The following ERCC3 variants were observed in gnomAD, a reference collection of about 807,000 sequenced individuals.
ERCC3 encodes the protein general transcription and DNA repair factor IIH helicase/translocase subunit XPB.
In ERCC3, 66 loss-of-function variants were observed where a neutral mutation model predicts 94.2. The ratio of observed to expected loss-of-function variants is 0.70; its 90% CI spans 0.57 to 0.86. The LOEUF is 0.86. Among genes scored for constraint, ERCC3 ranks in the 40% least tolerant of loss-of-function variants. The pLI is 0.00. For missense variants in ERCC3, 829 were observed against 987.1 expected (o/e 0.84, Z 2.15); for synonymous variants, 349 against 369.1 (o/e 0.95, Z 0.63).
At chr2:127,281,102 C>A in intron 8 of ERCC3, 1 of 407,874 alleles carries the variant, frequency 2.5e-6, no homozygotes, top group Non-Finnish European at 4.3e-6. Flanking sequence ...TGAAATACAA[C>A]CTGCAATACT....
At chr2:127,281,812 G>T (rs1195385041) in intron 8 of ERCC3, among the ~76,000 whole-genome samples, 1 of 151,894 alleles carries the variant, frequency 6.6e-6, no homozygotes, top group African/African-American at 2.4e-5. Flanking sequence ...ATCAGCTCAG[G>T]GTTATGTCTA....
rs1274265405 is a variant in ERCC3 at position 127,290,226 on chromosome 2, G to A, written c.519C>T (p.Asn173=). 1.9e-6 allele frequency: 3 copies of A among 1,613,336 alleles called. No homozygotes were observed. The highest frequency in any genetic ancestry group is 1.7e-6 in the Non-Finnish European group (2 of 1,179,392). ...YGKVKLVLKH[N]RYFVESCHPD... is the part of the protein sequence containing the mutation. ...AGGCCTGTCATGGAATCTCTTACCTGTTGTGCTTCAAGACCAGCTTGACTT... is the reference window on the plus strand; with the variant it reads ...AGGCCTGTCATGGAATCTCTTACCTATTGTGCTTCAAGACCAGCTTGACTT... Residue 173 remains asparagine, a splice_region_variant and synonymous_variant, in exon 4 of 15, where the codon AAC becomes AAT. Transcript: ENST00000285398.
At chr2:127,292,084 A>G (rs930881961) in intron 3 of ERCC3, 6 of 221,610 alleles carry the variant, frequency 2.7e-5, no homozygotes, top group African/African-American at 1.1e-4. Context: ...GTGTACTCAC[A>G]TGACAAGAAG....
Position 127,292,398 on chromosome 2 carries a change from C to A in ERCC3, c.471+212G>T, listed in dbSNP as rs188864058. ...CCTCACCCAGAACACAATGCTGGAT[C>A]CAGAGTGTAGCGGCTCATGAGAAGC... is the stretch of plus-strand genomic sequence containing the variant. On this transcript the variant is annotated intron_variant, in intron 3 of 14. Coordinates refer to ENST00000285398, the MANE Select transcript of ERCC3 (RefSeq NM_000122.2). 37 of 630,140 alleles carry A rather than the reference C, an allele frequency of 5.9e-5. No homozygotes were observed. The East Asian group carries it at 9.3e-4, about 16-fold the overall frequency. 39.0% of individuals were successfully genotyped at this position (630,140 alleles called of 1,614,324 possible).
In ERCC3 at chr2:127,280,710, A is replaced by G; in HGVS notation, c.1343-79T>C. The G allele has an allele frequency of 7.7e-7, 1 of 1,304,638 alleles. No homozygotes were observed. The highest frequency in any genetic ancestry group is 1.5e-5 in the African/African-American group (1 of 67,736). 80.8% of individuals were successfully genotyped at this position (1,304,638 alleles called of 1,614,324 possible). ...TTATTTATTTTAAAATATTTTTTGT[A>G]GAGATGGGGTCTCATTATATTGCCC... is the stretch of plus-strand genomic sequence containing the variant. On this transcript the variant is annotated intron_variant, in intron 8 of 14. Transcript: ENST00000285398. This position sits in a 1 kb window ranked among gnomAD's most constrained non-coding sequence, Gnocchi z 6.3.
At chr2:127,267,980 T>C (rs1488107617) in intron 12 of ERCC3, among the ~76,000 whole-genome samples, 4 of 151,924 alleles carry the variant, frequency 2.6e-5, no homozygotes, top group African/African-American at 9.7e-5. Flanking sequence ...TGAGACAGAG[T>C]CTTGCTGTTG....
chr2:127,292,351 G>T, intron 3 of ERCC3: 1 of 560,238 alleles, frequency 1.8e-6, no homozygotes, highest in Non-Finnish European at 3.3e-6. Flanking sequence ...CCACAGCTGG[G>T]AGCGGCTCAT....
rs181561416 is a variant in ERCC3 at position 127,258,130 on chromosome 2, G to A, written c.2218-403C>T. On this transcript the variant is annotated intron_variant, in intron 14 of 14. Coordinates refer to ENST00000285398, the MANE Select transcript of ERCC3 (RefSeq NM_000122.2). The surrounding 1 kb of genome is among the most constrained non-coding windows in gnomAD (Gnocchi z 4.1). The stretch of plus-strand genomic sequence containing the variant: ...TTTTTTAAGAGAGAAACAGGGTCTC[G>A]ATATGTTGACCATGCTGGTCTCAAA... Among the ~76,000 whole-genome samples, 14 of 151,956 alleles carry A rather than the reference G, an allele frequency of 9.2e-5. No homozygotes were observed. The highest frequency in any genetic ancestry group is 1.8e-4 in the Non-Finnish European group (12 of 68,010).
intron 12 of ERCC3, among the ~76,000 whole-genome samples, chr2:127,266,559 G>A (rs188389904): frequency 1.3e-5 from 2 of 151,222 alleles, no homozygotes; most frequent in Non-Finnish European, 2.9e-5. Context: ...GGATGGTCTC[G>A]ATCTCCTGAC....
At chr2:127,290,726 C>T in intron 3 of ERCC3, 1 of 261,592 alleles carries the variant, frequency 3.8e-6, no homozygotes. Context: ...AGCTTAAATC[C>T]TCCCAGGTTC....
intron 7 of ERCC3, among the ~76,000 whole-genome samples, 177 bp from the exon 8 acceptor site, chr2:127,287,194 T>C (rs952030965): frequency 1.3e-5 from 2 of 152,234 alleles, no homozygotes; most frequent in Admixed American, 1.3e-4. Context: ...TGAGGAGACA[T>C]GCCCACTTCA....
intron 5 of ERCC3, 56 bp downstream of exon 5, chr2:127,289,633 G>T (rs1023646408): frequency 6.2e-7 from 1 of 1,611,382 alleles, no homozygotes. Context: ...ACACCTGAGA[G>T]AACTGAAATC....
intron 12 of ERCC3, among the ~76,000 whole-genome samples, chr2:127,267,289 G>A (rs1313609275): frequency 5.9e-5 from 9 of 152,234 alleles, no homozygotes; most frequent in Middle Eastern, 6.8e-3. Flanking sequence ...AATGTTGGGC[G>A]CATATATATT....
intron 2 of ERCC3, 126 bp downstream of exon 2, chr2:127,293,387 G>T: frequency 1.1e-6 from 1 of 912,654 alleles, no homozygotes; most frequent in Non-Finnish European, 1.7e-6. Context: ...GTGTGTGGAT[G>T]AAAATTCTCT....
chr2:127,290,523 T>C (rs759630900), intron 3 of ERCC3: 16 of 557,936 alleles, frequency 2.9e-5, no homozygotes, highest in Non-Finnish European at 4.2e-5. Context: ...AAAACGCTGC[T>C]TAAAATCTTG....
rs1684664446 is a variant in ERCC3 at position 127,274,318 on chromosome 2, A to C, written c.1731-1357T>G. Among the ~76,000 whole-genome samples, 1 of 135,274 alleles carries C rather than the reference A, an allele frequency of 7.4e-6. No homozygotes were observed. Among genetic ancestry groups the C allele is most frequent in the South Asian group, 2.2e-4 (1 of 4,628 alleles). The allele number at this position is 135,274 out of a possible 152,430, so 88.7% of individuals were successfully genotyped here. On this transcript the variant is annotated intron_variant, in intron 10 of 14. Coordinates refer to ENST00000285398, the MANE Select transcript of ERCC3 (RefSeq NM_000122.2). This position sits in a 1 kb window ranked among gnomAD's most constrained non-coding sequence, Gnocchi z 4.0. ...CAACAGAGTGAGACTCCGTCTCAGAAAAAAAAAAAAAAGAAAAAGAAAAGA... is the reference window on the plus strand; with the variant it reads ...CAACAGAGTGAGACTCCGTCTCAGACAAAAAAAAAAAAGAAAAAGAAAAGA...
Position 127,292,635 on chromosome 2 carries a change from G to A in ERCC3, c.446C>T (p.Pro149Leu). Reference protein sequence around the residue: ...YLRKLSKTGVPDGIMQFIKLC... With the variant: ...YLRKLSKTGVLDGIMQFIKLC... ...CTTAATAAACTGCATAATTCCATCA[G>A]GGACTCCAGTCTTGCTGAGCTTCCT... The change falls in exon 3 of 15, where the codon CCT becomes CTT. Residue 149 changes from proline (P) to leucine (L), a missense_variant. Physicochemically the swap from Pro to Leu is moderately conservative, Grantham distance 98 (BLOSUM62 -3). Coordinates refer to ENST00000285398, the MANE Select transcript of ERCC3 (RefSeq NM_000122.2). The A allele has an allele frequency of 6.2e-7, 1 of 1,613,326 alleles. No individual in the cohort carries two copies. The highest frequency in any genetic ancestry group is 1.7e-4 in the Middle Eastern group (1 of 6,024).
Position 127,271,039 on chromosome 2 carries a change from C to T in ERCC3, c.1945+297G>A, listed in dbSNP as rs928706378. Among the ~76,000 whole-genome samples the T allele has an allele frequency of 6.6e-6, 1 of 152,218 alleles. No individual in the cohort carries two copies. Among genetic ancestry groups the T allele is most frequent in the African/African-American group, 2.4e-5 (1 of 41,450 alleles). ...CTGTTTTCTCCCTTCCATGTCTACC[C>T]CATAAGCACTGCCTTGCCCTGGCTC... On this transcript the variant is annotated intron_variant, in intron 12 of 14. Transcript: ENST00000285398. The surrounding 1 kb of genome is among the most constrained non-coding windows in gnomAD (Gnocchi z 5.0).
chr2:127,288,471 C>A (rs1033921883), intron 7 of ERCC3, among the ~76,000 whole-genome samples, 189 bp downstream of exon 7: 4 of 152,330 alleles, frequency 2.6e-5, no homozygotes, highest in Non-Finnish European at 2.9e-5. Context: ...CATAATACCC[C>A]CAGTGTCCAG....
Sources: allele counts gnomAD v4.1 joint callset (sites outside exome capture counted in the v4.1 genomes callset), GRCh38; gene constraint gnomAD v4.1.1; non-coding constraint Gnocchi (gnomAD v3.1); transcripts MANE v1.5; gene names NCBI Gene and HGNC (gene_info 2026-07-23, HGNC 2026-07-21).